Variants in CTTNBP2NL observed in about 807,000 individuals in gnomAD.
CTTNBP2NL encodes CTTNBP2 N-terminal-like protein.
A neutral mutation model predicts 32.5 loss-of-function variants in CTTNBP2NL; 16 were observed. The ratio of observed to expected loss-of-function variants is 0.49; its 90% confidence interval spans 0.33 to 0.75. CTTNBP2NL has a LOEUF of 0.75. Ranked by LOEUF, CTTNBP2NL falls within the 30% of genes least tolerant of loss-of-function variation. CTTNBP2NL has a pLI of 0.02. For synonymous variants in CTTNBP2NL, 298 were observed against 289.4 expected, an observed-to-expected ratio of 1.03 and a Z score of -0.30; for missense variants, 645 against 756.0, an observed-to-expected ratio of 0.85 and a Z score of 1.72.
chr1:112,457,329 G>A lies in CTTNBP2NL; in HGVS notation c.1837G>A (p.Glu613Lys), dbSNP rs927702944. 3 of 1,614,154 alleles carry A rather than the reference G, an allele frequency of 1.9e-6. No homozygotes were observed. The highest frequency in any genetic ancestry group is 2.5e-6 in the Non-Finnish European group (3 of 1,180,004). The change falls in exon 6 of 6, where the codon GAA (glutamate) becomes AAA (lysine). Residue 613 changes from glutamate to lysine, a missense_variant. Transcript: ENST00000271277. ...CCAGGCAGCCTCTTTGACCACTGCA[G>A]AAGACCTTGCCAGCAGCTGCTCTTC... Reference protein sequence around the residue: ...HSQAASLTTAEDLASSCSSNT... With the variant: ...HSQAASLTTAKDLASSCSSNT...
intron 3 of CTTNBP2NL, among the ~76,000 whole-genome samples, chr1:112,423,343 A>G (rs1649284601): frequency 6.6e-6 from 1 of 152,154 alleles, no homozygotes; most frequent in Non-Finnish European, 1.5e-5. Context: ...TTCAAAAATC[A>G]CTGAGAGTAG....
Position 112,456,150 on chromosome 1 carries a change from G to A in CTTNBP2NL, c.658G>A (p.Glu220Lys). ...EKSRVSKLEEELAAERKRGLQ... is the reference protein window; with the variant it reads ...EKSRVSKLEEKLAAERKRGLQ... ...GAGCCGGGTGAGTAAACTGGAAGAA[G>A]AGTTGGCAGCTGAGAGAAAGAGAGG... is the stretch of plus-strand genomic sequence containing the variant. The change falls in exon 6 of 6, where the codon GAG becomes AAG. Residue 220 changes from glutamate (E) to lysine (K), a missense_variant. Coordinates refer to ENST00000271277, the MANE Select transcript of CTTNBP2NL (RefSeq NM_018704.3). The A allele has an allele frequency of 5.0e-6, 8 of 1,614,174 alleles. No individual in the cohort carries two copies. The highest frequency in any genetic ancestry group is 5.1e-6 in the Non-Finnish European group (6 of 1,180,026).
chr1:112,427,795 C>CT (rs1649444620), intron 3 of CTTNBP2NL, among the ~76,000 whole-genome samples: 1 of 151,294 alleles, frequency 6.6e-6, no homozygotes, highest in African/African-American at 2.4e-5. Context: ...ACTTGGGAGG[C>CT]TGAGGCAGGA....
chr1:112,412,487 G>A (rs187416143), intron 2 of CTTNBP2NL, among the ~76,000 whole-genome samples, 170 bp downstream of exon 2: 58 of 152,154 alleles, frequency 3.8e-4, no homozygotes, highest in African/African-American at 1.3e-3. Context: ...ACTTATAAAT[G>A]GTGGTTATTG....
At chr1:112,408,112 G>A (rs1648735598) in intron 1 of CTTNBP2NL, among the ~76,000 whole-genome samples, 1 of 150,478 alleles carries the variant, frequency 6.6e-6, no homozygotes, top group Non-Finnish European at 1.5e-5. Context: ...CTCCCAAAGT[G>A]TTGGGATTAC....
chr1:112,407,276 G>A lies in CTTNBP2NL; in HGVS notation c.-133-4918G>A, dbSNP rs183261996. 1.5e-3 allele frequency among the ~76,000 whole-genome samples: 231 copies of A among 152,314 alleles called. 1 individual carries two copies. Among genetic ancestry groups the A allele is most frequent in the Non-Finnish European group, 2.6e-3 (175 of 68,032 alleles). On this transcript the variant is annotated intron_variant, in intron 1 of 5. Coordinates refer to ENST00000271277, the MANE Select transcript of CTTNBP2NL (RefSeq NM_018704.3). ...TGTCAAAGTAGTAAGTGGTTAACAT[G>A]TTGTGTGAGTTTGCTAGGGCTGCTA... is the stretch of plus-strand genomic sequence containing the variant.
chr1:112,433,798 A>G (rs1229934587), intron 3 of CTTNBP2NL, among the ~76,000 whole-genome samples: 4 of 152,008 alleles, frequency 2.6e-5, no homozygotes, highest in South Asian at 2.1e-4. Context: ...TATAATTACT[A>G]TGCCTTTGCA....
At position 112,452,645 on chromosome 1, in the gene CTTNBP2NL, C is replaced by CTTTTTTTTTTTTTTTTTTTT. The variant is rs34842059; in HGVS notation, c.331-1791_331-1790insTTTTTTTTTTTTTTTTTTTT. Among the ~76,000 whole-genome samples the CTTTTTTTTTTTTTTTTTTTT allele has an allele frequency of 1.4e-3, 192 of 133,040 alleles. 8 individuals carry two copies. The highest frequency in any genetic ancestry group is 5.7e-3 in the African/African-American group (184 of 32,162). The allele number at this position is 133,040 out of a possible 152,430, so 87.3% of individuals were successfully genotyped here. ...AGGCATGAGCCACCACTCCTGGCCT[C>CTTTTTTTTTTTTTTTTTTTT]TTTTTTTTTTTTTGAGACAAAGTCT... On this transcript the variant is annotated intron_variant, in intron 4 of 5. Coordinates refer to ENST00000271277, the MANE Select transcript of CTTNBP2NL (RefSeq NM_018704.3).
At chr1:112,407,816 C>T (rs1570715905) in intron 1 of CTTNBP2NL, among the ~76,000 whole-genome samples, 1 of 140,980 alleles carries the variant, frequency 7.1e-6, no homozygotes, top group Non-Finnish European at 1.6e-5. Context: ...TAAATAGTAA[C>T]AAAAACGGCT....
chr1:112,439,194 C>T (rs1022591998), intron 3 of CTTNBP2NL, among the ~76,000 whole-genome samples: 8 of 146,574 alleles, frequency 5.5e-5, no homozygotes, highest in African/African-American at 2.0e-4. Flanking sequence ...TGGCATCCTG[C>T]TCTCACCATG....
intron 3 of CTTNBP2NL, among the ~76,000 whole-genome samples, chr1:112,430,924 T>G (rs865948531): frequency 1.3e-4 from 20 of 152,232 alleles, no homozygotes; most frequent in Admixed American, 4.6e-4. Flanking sequence ...AGCTGTTTGC[T>G]GTATAACTTT....
chr1:112,441,922 C>G (rs1279361811), intron 3 of CTTNBP2NL, among the ~76,000 whole-genome samples: 1 of 151,932 alleles, frequency 6.6e-6, no homozygotes, highest in Non-Finnish European at 1.5e-5. Flanking sequence ...AATGTACGGT[C>G]TCCCGAAAAA....
intron 3 of CTTNBP2NL, among the ~76,000 whole-genome samples, chr1:112,441,573 C>G (rs1335605436): frequency 1.3e-5 from 2 of 152,124 alleles, no homozygotes; most frequent in Non-Finnish European, 2.9e-5. Flanking sequence ...TTAATACTTA[C>G]AAGTAGAATT....
In CTTNBP2NL at chr1:112,425,731, C is replaced by T. The variant is rs1005488424; in HGVS notation, c.99+9467C>T. Among the ~76,000 whole-genome samples, 13 of 151,542 alleles carry T rather than the reference C, an allele frequency of 8.6e-5. No individual in the cohort carries two copies. In the East Asian group the frequency reaches 2.3e-3, roughly 27 times the overall value. On this transcript the variant is annotated intron_variant, in intron 3 of 5. Coordinates refer to ENST00000271277, the MANE Select transcript of CTTNBP2NL (RefSeq NM_018704.3). ...AAAAAAAATTAGCTGGGTATGGTAG[C>T]GTGCATCTGTAACCCCGGCTACTAG...
intron 3 of CTTNBP2NL, among the ~76,000 whole-genome samples, chr1:112,424,912 C>A (rs115149892): frequency 0.032 from 4,832 of 151,838 alleles, 237 homozygotes; most frequent in African/African-American, 0.11. Context: ...AAGCCCCAGG[C>A]TCAAGTGATC....
upstream of CTTNBP2NL, among the ~76,000 whole-genome samples, chr1:112,394,893 A>G (rs1329600973): frequency 6.6e-6 from 1 of 152,196 alleles, no homozygotes; most frequent in Non-Finnish European, 1.5e-5. Context: ...ATTGGACACA[A>G]TGATGTCTAT....
intron 3 of CTTNBP2NL, among the ~76,000 whole-genome samples, chr1:112,437,483 G>GT (rs543878281): frequency 7.9e-5 from 12 of 151,744 alleles, no homozygotes; most frequent in Admixed American, 2.6e-4. Flanking sequence ...GAATTGCTTG[G>GT]TTTTTTTTCT....
chr1:112,419,491 G>A (rs972101492), intron 3 of CTTNBP2NL, among the ~76,000 whole-genome samples: 2 of 152,046 alleles, frequency 1.3e-5, no homozygotes, highest in African/African-American at 4.8e-5. Flanking sequence ...TGATCATATA[G>A]TGGTTAGTAC....
intron 3 of CTTNBP2NL, among the ~76,000 whole-genome samples, chr1:112,418,851 G>A (rs1252679047): frequency 6.6e-6 from 1 of 152,068 alleles, no homozygotes; most frequent in Non-Finnish European, 1.5e-5. Flanking sequence ...AAATAGATTT[G>A]ACTGCTAATA....
Sources: allele counts gnomAD v4.1 joint callset (sites outside exome capture counted in the v4.1 genomes callset), GRCh38; gene constraint gnomAD v4.1.1; transcripts MANE v1.5; gene names NCBI Gene and HGNC (gene_info 2026-07-23, HGNC 2026-07-21).